The following EPHA6 variants were observed in gnomAD, a reference collection of about 807,000 sequenced individuals.
The protein encoded by EPHA6 is EPH receptor A6.
In EPHA6, 50 loss-of-function variants were observed where a neutral mutation model predicts 112.0. The ratio of observed to expected loss-of-function variants is 0.45; its 90% CI spans 0.36 to 0.56. The LOEUF (loss-of-function observed/expected upper bound fraction) is 0.56, where lower values mean the gene tolerates loss of function less well. EPHA6 is among the 20% of genes least tolerant of loss of function. EPHA6 has a pLI of 0.00. For synonymous variants in EPHA6, 529 were observed against 490.7 expected (o/e 1.08, Z -1.03); for missense variants, 1,280 against 1,417.4 (o/e 0.90, Z 1.56).
intron 6 of EPHA6, among the ~76,000 whole-genome samples, chr3:97,418,717 T>A (rs2088344122): frequency 6.6e-6 from 1 of 152,082 alleles, no homozygotes; most frequent in South Asian, 2.1e-4. Context: ...AAAACGATAG[T>A]ATAAGAAGCA....
chr3:97,351,083 C>T (rs538743741), intron 5 of EPHA6, among the ~76,000 whole-genome samples: 23 of 152,254 alleles, frequency 1.5e-4, no homozygotes, highest in Admixed American at 7.9e-4. Context: ...ATGAACAACA[C>T]GCTCCATATG....
chr3:97,027,404 A>G (rs536294752), intron 3 of EPHA6, among the ~76,000 whole-genome samples: 40 of 152,260 alleles, frequency 2.6e-4, no homozygotes, highest in African/African-American at 7.0e-4. Flanking sequence ...AAGTTTACCT[A>G]TGTAATAAAA....
chr3:97,644,007 AC>A (rs1459525119), intron 14 of EPHA6, among the ~76,000 whole-genome samples: 1 of 151,390 alleles, frequency 6.6e-6, no homozygotes. Flanking sequence ...ACCACACCAC[AC>A]CTATTCCAAA....
intron 3 of EPHA6, among the ~76,000 whole-genome samples, chr3:97,142,316 CAA>C (rs905048324): frequency 2.0e-5 from 3 of 151,886 alleles, no homozygotes; most frequent in African/African-American, 4.8e-5. Flanking sequence ...GCTTCAGGCT[CAA>C]AGAGTGTGTT....
intron 5 of EPHA6, among the ~76,000 whole-genome samples, chr3:97,250,748 A>G (rs1012062952): frequency 2.0e-5 from 3 of 152,208 alleles, no homozygotes; most frequent in Admixed American, 6.5e-5. Flanking sequence ...ATGGATGCCA[A>G]TTTGATTTCA....
intron 2 of EPHA6, among the ~76,000 whole-genome samples, chr3:96,904,874 T>C (rs2038842870): frequency 6.6e-6 from 1 of 152,140 alleles, no homozygotes; most frequent in South Asian, 2.1e-4. Flanking sequence ...ATTAAAACTA[T>C]ATTTCACCTG....
chr3:97,638,033 G>A lies in EPHA6; in HGVS notation c.2735G>A (p.Gly912Asp), dbSNP rs754182505. 2 of 1,613,818 alleles carry A rather than the reference G, an allele frequency of 1.2e-6. No homozygotes were observed. The highest frequency in any genetic ancestry group is 1.7e-6 in the Non-Finnish European group (2 of 1,179,834). The change falls in exon 14 of 18, where the codon GGT becomes GAT. Residue 912 changes from glycine to aspartate, a missense_variant. Physicochemically the swap from Gly to Asp is moderately conservative, Grantham distance 94. Around this residue, in one of 4 missense-constraint regions of EPHA6, gnomAD observed 878 missense variants for 999.7 expected, o/e 0.88. Coordinates refer to ENST00000389672, the MANE Select transcript of EPHA6 (RefSeq NM_001080448.3). ...TTAGTATGCAAAGTTTCTGATTTTG[G>A]TCTCTCCAGAGTGCTGGAAGATGAT... is the stretch of plus-strand genomic sequence containing the variant. ...SNLVCKVSDF[G>D]LSRVLEDDPE...
rs1211162010 is a variant in EPHA6, at chr3:97,759,785, A to G, written c.*11084A>G. The stretch of plus-strand genomic sequence containing the variant: ...AGGACGTATAGGTTGGAAGAGACAT[A>G]TGTAAGTAGTTGGATAGTAGGAAAG... On this transcript the variant is annotated 3_prime_UTR_variant, in exon 18 of 18. Transcript: ENST00000389672. 1 of 224,338 alleles carries G rather than the reference A, an allele frequency of 4.5e-6. No individual in the cohort carries two copies. The highest frequency in any genetic ancestry group is 8.9e-6 in the Non-Finnish European group (1 of 112,430). The allele number at this position is 224,338 out of a possible 1,614,324, so 13.9% of individuals were successfully genotyped here.
chr3:97,580,741 T>C (rs2093429751), intron 11 of EPHA6, among the ~76,000 whole-genome samples: 2 of 152,232 alleles, frequency 1.3e-5, no homozygotes, highest in African/African-American at 4.8e-5. Context: ...TTATCAGGAA[T>C]GAGTGTTGTC....
chr3:97,181,490 C>G (rs111828953), intron 3 of EPHA6, among the ~76,000 whole-genome samples: 1 of 151,908 alleles, frequency 6.6e-6, no homozygotes, highest in Non-Finnish European at 1.5e-5. Flanking sequence ...CCCTAGCATG[C>G]AAAGTAAGTC....
chr3:97,355,210 A>G (rs1027510237), intron 5 of EPHA6, among the ~76,000 whole-genome samples: 5 of 152,184 alleles, frequency 3.3e-5, no homozygotes, highest in Admixed American at 3.3e-4. Context: ...ACACAGAGAA[A>G]CACAGATTAT....
At chr3:96,903,512 A>T (rs1575982409) in intron 2 of EPHA6, among the ~76,000 whole-genome samples, 1 of 152,324 alleles carries the variant, frequency 6.6e-6, no homozygotes, top group Non-Finnish European at 1.5e-5. Context: ...TTTATGGGAC[A>T]GTTGAGTTTC....
chr3:97,379,238 C>A (rs1439880328), intron 5 of EPHA6, among the ~76,000 whole-genome samples: 1 of 152,052 alleles, frequency 6.6e-6, no homozygotes, highest in Non-Finnish European at 1.5e-5. Flanking sequence ...CTGAGGACTC[C>A]CCAGCCATGT....
At chr3:96,981,863 T>C (rs1353791776) in intron 2 of EPHA6, among the ~76,000 whole-genome samples, 1 of 152,246 alleles carries the variant, frequency 6.6e-6, no homozygotes, top group Non-Finnish European at 1.5e-5. Flanking sequence ...TAGTATTCTC[T>C]GATGGTAGTT....
At chr3:96,821,033 T>C (rs1434947890) in intron 1 of EPHA6, among the ~76,000 whole-genome samples, 1 of 151,916 alleles carries the variant, frequency 6.6e-6, no homozygotes, top group African/African-American at 2.4e-5. Flanking sequence ...ATTATACTTA[T>C]CTGTTCTGTT....
intron 14 of EPHA6, among the ~76,000 whole-genome samples, chr3:97,650,559 A>G (rs2094100874): frequency 6.6e-6 from 1 of 152,050 alleles, no homozygotes; most frequent in South Asian, 2.1e-4. Context: ...TTTTGAAAAT[A>G]GATCCATCTG....
chr3:97,264,692 A>G (rs758834656), intron 5 of EPHA6, among the ~76,000 whole-genome samples: 6 of 152,214 alleles, frequency 3.9e-5, no homozygotes, highest in Non-Finnish European at 8.8e-5. Context: ...TGTAACTAGG[A>G]AGAATGAGGT....
intron 5 of EPHA6, among the ~76,000 whole-genome samples, chr3:97,387,861 G>A (rs2086161569): frequency 1.3e-5 from 2 of 152,182 alleles, no homozygotes; most frequent in Admixed American, 6.6e-5. Context: ...CAGTTCTGCA[G>A]GCTGTTCAGG....
At chr3:97,575,619 TTAA>T (rs779810677) in intron 11 of EPHA6, among the ~76,000 whole-genome samples, 3 of 152,216 alleles carry the variant, frequency 2.0e-5, no homozygotes, top group Non-Finnish European at 2.9e-5. Context: ...TGTTTAAATG[TTAA>T]TAACGATAGT....
Sources: allele counts gnomAD v4.1 joint callset (sites outside exome capture counted in the v4.1 genomes callset), GRCh38; gene constraint gnomAD v4.1.1; regional missense constraint gnomAD v4.1.1; transcripts MANE v1.5; gene names NCBI Gene and HGNC (gene_info 2026-07-23, HGNC 2026-07-21).